The following DCDC2 variants were observed in gnomAD, a reference collection of about 807,000 sequenced individuals.
The protein encoded by DCDC2 is doublecortin domain-containing protein 2.
DCDC2 carries 40 observed loss-of-function variants against 50.2 expected under a neutral mutation model. That is an observed-to-expected ratio of 0.80 (90% CI 0.62 to 1.04). The LOEUF is 1.04. Among genes scored for constraint, DCDC2 ranks in the 50% least tolerant of loss-of-function variants. The pLI, the probability that DCDC2 is intolerant of heterozygous loss-of-function variation, is 0.00. For synonymous variants in DCDC2, 234 were observed against 210.6 expected, an observed-to-expected ratio of 1.11 and a Z score of -0.96; for missense variants, 570 against 581.9, an observed-to-expected ratio of 0.98 and a Z score of 0.21.
chr6:24,306,035 AAAAG>A (rs1298649811), intron 2 of DCDC2, among the ~76,000 whole-genome samples: 2 of 152,122 alleles, frequency 1.3e-5, no homozygotes, highest in Non-Finnish European at 2.9e-5. Context: ...TCTCAAAAAA[AAAAG>A]AAAGGAAAGA....
At chr6:24,320,082 T>C (rs771606365) in intron 2 of DCDC2, among the ~76,000 whole-genome samples, 5 of 152,196 alleles carry the variant, frequency 3.3e-5, no homozygotes, top group Non-Finnish European at 2.9e-5. Context: ...TGTACACAAA[T>C]ACTGTACTTT....
chr6:24,258,007 G>A (rs772952222), intron 7 of DCDC2, among the ~76,000 whole-genome samples: 41 of 152,308 alleles, frequency 2.7e-4, no homozygotes, highest in Middle Eastern at 3.4e-3. Context: ...AGTGGTGTAA[G>A]AGGAGACACG....
chr6:24,357,314 A>G (rs1760489580), intron 1 of DCDC2, 144 bp downstream of exon 1: 1 of 951,694 alleles, frequency 1.1e-6, no homozygotes, highest in Non-Finnish European at 1.5e-6. Context: ...AACTGCAACG[A>G]GAGTTTTGAG....
chr6:24,240,407 T>A (rs536167852), intron 7 of DCDC2, among the ~76,000 whole-genome samples: 1 of 152,332 alleles, frequency 6.6e-6, no homozygotes, highest in East Asian at 1.9e-4. Flanking sequence ...GCAGAGTTTT[T>A]CCATGGTGTT....
the DCDC2 span, among the ~76,000 whole-genome samples, chr6:24,367,558 C>A: frequency 3.3e-5 from 5 of 152,198 alleles, no homozygotes; most frequent in Non-Finnish European, 7.3e-5. Flanking sequence ...CAGTTGACCC[C>A]TAGATAGTTA....
chr6:24,363,431 G>C, the DCDC2 span, among the ~76,000 whole-genome samples: 14,480 of 152,254 alleles, frequency 0.095, 1,213 homozygotes, highest in East Asian at 0.39. Flanking sequence ...AGCCTGGGAA[G>C]TTGAGGCTGC....
At chr6:24,206,290 T>A (rs1388315697) in intron 7 of DCDC2, among the ~76,000 whole-genome samples, 1 of 152,014 alleles carries the variant, frequency 6.6e-6, no homozygotes, top group Non-Finnish European at 1.5e-5. Context: ...TAAACATACT[T>A]CCAATAAGGT....
intron 7 of DCDC2, among the ~76,000 whole-genome samples, chr6:24,236,071 A>G (rs1416422018): frequency 1.3e-5 from 2 of 152,132 alleles, no homozygotes; most frequent in Non-Finnish European, 2.9e-5. Context: ...ATCATTTTTC[A>G]TAGAATTAGG....
intron 1 of DCDC2, among the ~76,000 whole-genome samples, chr6:24,356,565 A>T (rs952907367): frequency 3.9e-5 from 6 of 152,222 alleles, no homozygotes; most frequent in Non-Finnish European, 5.9e-5. Context: ...CTGTAAAAAA[A>T]AAATGGAATG....
rs577166349 is a variant in DCDC2 at position 24,301,143 on chromosome 6, G to T, written c.557+572C>A. Reference sequence around the variant, plus strand: ...TCCCAGGACTTTGGGAGGCCAAGGCGGGCGGATCACGAGGTCAGGAGATCG... The same window carrying T: ...TCCCAGGACTTTGGGAGGCCAAGGCTGGCGGATCACGAGGTCAGGAGATCG... On this transcript the variant is annotated intron_variant, in intron 4 of 9. Transcript: ENST00000378454. 2.0e-5 allele frequency among the ~76,000 whole-genome samples: 3 copies of T among 151,950 alleles called. No homozygotes were observed. The South Asian group carries it at 6.2e-4, about 32-fold the overall frequency.
At chr6:24,295,240 G>A (rs1763836220) in intron 4 of DCDC2, among the ~76,000 whole-genome samples, 1 of 152,156 alleles carries the variant, frequency 6.6e-6, no homozygotes, top group Non-Finnish European at 1.5e-5. Flanking sequence ...TATCTCAATA[G>A]ATGCAGAAAA....
At chr6:24,309,571 T>C (rs952211648) in intron 2 of DCDC2, among the ~76,000 whole-genome samples, 4 of 152,048 alleles carry the variant, frequency 2.6e-5, no homozygotes, top group Admixed American at 6.6e-5. Flanking sequence ...CAAAGAGGCA[T>C]AGCTAAAAAG....
the DCDC2 span, among the ~76,000 whole-genome samples, chr6:24,383,211 A>G: frequency 6.6e-6 from 1 of 151,976 alleles, no homozygotes; most frequent in African/African-American, 2.4e-5. Flanking sequence ...CTGTAATTCC[A>G]GCTACTCAGG....
intron 7 of DCDC2, among the ~76,000 whole-genome samples, chr6:24,249,080 CT>C (rs1762744324): frequency 6.6e-6 from 1 of 152,048 alleles, no homozygotes; most frequent in Non-Finnish European, 1.5e-5. Context: ...TTCTGTTATT[CT>C]TATTTAATAT....
chr6:24,247,574 A>G (rs1336899619), intron 7 of DCDC2, among the ~76,000 whole-genome samples: 8 of 152,140 alleles, frequency 5.3e-5, no homozygotes, highest in Admixed American at 6.5e-5. Flanking sequence ...AAATACTCCA[A>G]ACAAACTTTC....
At chr6:24,263,006 A>T (rs1391343463) in intron 7 of DCDC2, among the ~76,000 whole-genome samples, 1 of 152,212 alleles carries the variant, frequency 6.6e-6, no homozygotes, top group Non-Finnish European at 1.5e-5. Flanking sequence ...CTGCCCCAGG[A>T]TCCAGGGAGC....
intron 6 of DCDC2, among the ~76,000 whole-genome samples, chr6:24,283,162 T>C (rs1412098761): frequency 6.6e-6 from 1 of 152,224 alleles, no homozygotes; most frequent in Non-Finnish European, 1.5e-5. Context: ...GGTGTCACCT[T>C]GTCACTAGAA....
the DCDC2 span, among the ~76,000 whole-genome samples, chr6:24,368,466 T>C: frequency 2.0e-5 from 3 of 152,272 alleles, no homozygotes; most frequent in South Asian, 6.2e-4. Flanking sequence ...AAACACGTAT[T>C]ACCCACAAAG....
At position 24,172,140 on chromosome 6, in the gene DCDC2, T is replaced by C. The variant is rs1369843244; in HGVS notation, c.*2590A>G. On this transcript the variant is annotated 3_prime_UTR_variant, in exon 10 of 10. Transcript: ENST00000378454. ...CCACATTTGTGAGGTGAATGAACTT[T>C]CAGCATTTATGTTAAAGTCATCTCT... is the stretch of plus-strand genomic sequence containing the variant. 1.3e-5 allele frequency: 2 copies of C among 152,218 alleles called. No individual in the cohort carries two copies. Among genetic ancestry groups the C allele is most frequent in the East Asian group, 1.9e-4 (1 of 5,200 alleles). The allele number at this position is 152,218 out of a possible 1,614,324, so 9.4% of individuals were successfully genotyped here. A position where few individuals can be genotyped will look rare whatever the true frequency, so the allele number is the denominator to read the frequency against.
Sources: gnomAD v4.1 joint callset for allele counts (sites outside exome capture counted in the v4.1 genomes callset) on GRCh38, gnomAD v4.1.1 for gene constraint, MANE v1.5 for transcripts, NCBI Gene and HGNC (gene_info 2026-07-23, HGNC 2026-07-21) for gene names.